PRTG: variants seen among roughly 807,000 people sequenced by gnomAD.
The protein encoded by PRTG is protogenin.
In PRTG, 67 loss-of-function variants were observed where a neutral mutation model predicts 122.5. The observed-to-expected ratio is 0.55, with a 90% CI of 0.45 to 0.67. The LOEUF (loss-of-function observed/expected upper bound fraction) is 0.67, where lower values mean the gene tolerates loss of function less well. PRTG is among the 30% of genes least tolerant of loss of function. PRTG has a pLI of 0.00. For synonymous variants in PRTG, 554 were observed against 501.1 expected, an observed-to-expected ratio of 1.11 and a Z score of -1.41; for missense variants, 1,435 against 1,415.4, an observed-to-expected ratio of 1.01 and a Z score of -0.22.
chr15:55,687,574 A>AT (rs1320639652), intron 2 of PRTG, among the ~76,000 whole-genome samples: 1 of 152,074 alleles, frequency 6.6e-6, no homozygotes, highest in Non-Finnish European at 1.5e-5. Flanking sequence ...AGATTTTTTT[A>AT]TTATAACAAT....
intron 2 of PRTG, among the ~76,000 whole-genome samples, chr15:55,693,397 A>C (rs1487800895): frequency 1.3e-5 from 2 of 152,206 alleles, no homozygotes; most frequent in East Asian, 1.9e-4. Flanking sequence ...CGGAGGTTGC[A>C]GTAAGCTGAG....
chr15:55,685,448 G>C (rs1050606676), intron 2 of PRTG, among the ~76,000 whole-genome samples: 4 of 152,158 alleles, frequency 2.6e-5, no homozygotes, highest in African/African-American at 9.7e-5. Flanking sequence ...GATCCTCAAA[G>C]TCAGAATCAT....
At chr15:55,715,543 C>G (rs542306215) in intron 2 of PRTG, among the ~76,000 whole-genome samples, 1 of 152,138 alleles carries the variant, frequency 6.6e-6, no homozygotes, top group Admixed American at 6.5e-5. Flanking sequence ...CAAGCCCTAA[C>G]GGATACTTTA....
At chr15:55,644,243 G>T (rs1030160152) in intron 11 of PRTG, among the ~76,000 whole-genome samples, 2 of 152,194 alleles carry the variant, frequency 1.3e-5, no homozygotes, top group African/African-American at 4.8e-5. Flanking sequence ...TACAGAAAAG[G>T]AAGGATAGGA....
chr15:55,653,784 AC>A (rs1299683089), intron 11 of PRTG, among the ~76,000 whole-genome samples: 1 of 151,112 alleles, frequency 6.6e-6, no homozygotes, highest in Non-Finnish European at 1.5e-5. Context: ...TATGTTTAAA[AC>A]CTCCCCCAAA....
chr15:55,673,040 C>CTGAA lies in PRTG; in HGVS notation c.1852+327_1852+330dup, dbSNP rs150335426. ...ATTTTGCAGTCCTATAGTCCTCCTA[C>CTGAA]TGAACTAAGGATTTTAAAAATATAT... On this transcript the variant is annotated intron_variant, in intron 10 of 19. Transcript: ENST00000389286. Among the ~76,000 whole-genome samples the CTGAA allele has an allele frequency of 9.1e-3, 1,382 of 152,132 alleles. 12 individuals carry two copies. Among genetic ancestry groups the CTGAA allele is most frequent in the African/African-American group, 0.032 (1,321 of 41,514 alleles).
In PRTG at chr15:55,622,870, T is replaced by C. The variant is rs548550074; in HGVS notation, c.3093+1472A>G. Among the ~76,000 whole-genome samples, 10 of 152,340 alleles carry C rather than the reference T, an allele frequency of 6.6e-5. 1 individual carries two copies. The East Asian group carries it at 1.9e-3, about 29-fold the overall frequency. On this transcript the variant is annotated intron_variant, in intron 18 of 19. Transcript: ENST00000389286. The stretch of plus-strand genomic sequence containing the variant: ...ACTTTTTAAGCTCATTTAAAAGTTT[T>C]AGGTTCTAATGTTTTAGATCAATTT...
intron 11 of PRTG, among the ~76,000 whole-genome samples, chr15:55,645,195 G>A (rs2059313766): frequency 6.6e-6 from 1 of 151,572 alleles, no homozygotes; most frequent in Non-Finnish European, 1.5e-5. Context: ...CAGCACTTTG[G>A]GAGGCCGAGA....
At chr15:55,631,045 G>A (rs985885403) in intron 15 of PRTG, among the ~76,000 whole-genome samples, 11 of 152,164 alleles carry the variant, frequency 7.2e-5, no homozygotes, top group African/African-American at 2.2e-4. Flanking sequence ...GTCACACGGT[G>A]TGAGGCAGCC....
intron 2 of PRTG, among the ~76,000 whole-genome samples, chr15:55,696,858 A>G (rs1242323502): frequency 6.6e-6 from 1 of 152,228 alleles, no homozygotes; most frequent in East Asian, 1.9e-4. Context: ...GAAAGAAAAT[A>G]TTTAGATCAA....
chr15:55,723,715 C>T (rs2030915434), intron 2 of PRTG, among the ~76,000 whole-genome samples: 1 of 151,202 alleles, frequency 6.6e-6, no homozygotes, highest in Non-Finnish European at 1.5e-5. Context: ...ATTTATTCTT[C>T]CTCAAAAAGA....
At chr15:55,708,160 A>AC (rs1349482053) in intron 2 of PRTG, among the ~76,000 whole-genome samples, 1 of 94,418 alleles carries the variant, frequency 1.1e-5, no homozygotes, top group African/African-American at 3.7e-5. Flanking sequence ...AAAAAAAAAA[A>AC]AAAAAAAAAA....
chr15:55,704,050 G>T (rs1220148944), intron 2 of PRTG, among the ~76,000 whole-genome samples: 7 of 152,204 alleles, frequency 4.6e-5, no homozygotes, highest in African/African-American at 1.7e-4. Context: ...CTTCAAAGCT[G>T]TTCAACTTGT....
chr15:55,734,767 A>T (rs2031356975), intron 2 of PRTG, among the ~76,000 whole-genome samples: 1 of 152,150 alleles, frequency 6.6e-6, no homozygotes, highest in Admixed American at 6.5e-5. Flanking sequence ...ACACACAAGG[A>T]ATGTAAAAGT....
At chr15:55,636,146 TGATAA>T (rs1419420075) in intron 15 of PRTG, among the ~76,000 whole-genome samples, 2 of 151,858 alleles carry the variant, frequency 1.3e-5, no homozygotes, top group African/African-American at 4.8e-5. Context: ...GAAAAGGATA[TGATAA>T]AAGTATGCAG....
chr15:55,663,539 C>CT (rs574872335), intron 11 of PRTG, among the ~76,000 whole-genome samples: 2,914 of 142,840 alleles, frequency 0.02, 83 homozygotes, highest in African/African-American at 0.061. Flanking sequence ...CTTTTCTTTT[C>CT]TTTTTTTTTT....
At chr15:55,661,183 T>C (rs2059407634) in intron 11 of PRTG, among the ~76,000 whole-genome samples, 1 of 152,162 alleles carries the variant, frequency 6.6e-6, no homozygotes, top group Admixed American at 6.5e-5. Context: ...AATGGGAATT[T>C]AATTTGAGGG....
intron 11 of PRTG, among the ~76,000 whole-genome samples, chr15:55,670,386 T>C (rs1237775663): frequency 1.3e-5 from 2 of 152,206 alleles, no homozygotes; most frequent in Admixed American, 6.5e-5. Flanking sequence ...GCTTGATCTA[T>C]GATTCTTCAT....
At chr15:55,641,241 C>G (rs758217136) in intron 11 of PRTG, 33 bp from the exon 12 acceptor site, 1 of 1,495,002 alleles carries the variant, frequency 6.7e-7, no homozygotes, top group East Asian at 2.3e-5. Context: ...TAATTAGGAC[C>G]AGGTCTCTAG....
Sources: allele counts gnomAD v4.1 joint callset (sites outside exome capture counted in the v4.1 genomes callset), GRCh38; gene constraint gnomAD v4.1.1; transcripts MANE v1.5; gene names NCBI Gene and HGNC (gene_info 2026-07-23, HGNC 2026-07-21).